The following NHSL2 variants were observed in gnomAD, a reference collection of about 807,000 sequenced individuals.
The protein encoded by NHSL2 is NHS-like protein 2.
In NHSL2, 27 loss-of-function variants were observed where a neutral mutation model predicts 53.4. That is an observed-to-expected ratio of 0.51 (90% CI 0.37 to 0.70). NHSL2 has a LOEUF of 0.70. Ranked by LOEUF, NHSL2 falls within the 30% of genes least tolerant of loss-of-function variation. The pLI, the probability that NHSL2 is intolerant of heterozygous loss-of-function variation, is 0.00. For synonymous variants in NHSL2, 408 were observed against 404.1 expected, an observed-to-expected ratio of 1.01 and a Z score of -0.12; for missense variants, 892 against 980.1, an observed-to-expected ratio of 0.91 and a Z score of 1.20.
At chrX:72,022,744 C>A (rs998172526) in intron 1 of NHSL2, among the ~76,000 whole-genome samples, 7 of 111,552 alleles carry the variant, frequency 6.3e-5, no homozygotes, top group Non-Finnish European at 1.1e-4. Context: ...TCCTAGAGAC[C>A]GTATCTGGTT....
intron 1 of NHSL2, among the ~76,000 whole-genome samples, chrX:72,066,226 G>A (rs1247874475): frequency 9.0e-6 from 1 of 111,495 alleles, no homozygotes; most frequent in Non-Finnish European, 1.9e-5. Context: ...CAGTTCTAAG[G>A]AGCAATTTAC....
At chrX:72,129,800 T>C in intron 1 of NHSL2, 1 of 1,154,848 alleles carries the variant, frequency 8.7e-7, no homozygotes, top group Non-Finnish European at 1.2e-6. Context: ...AAAAGAAGGG[T>C]GTGTTCTGGG....
chrX:72,083,609 C>G (rs989541944), intron 1 of NHSL2, among the ~76,000 whole-genome samples: 9 of 112,071 alleles, frequency 8.0e-5, no homozygotes, highest in Non-Finnish European at 1.3e-4. Context: ...CAGCCACTTT[C>G]TATTTATGGC....
intron 1 of NHSL2, among the ~76,000 whole-genome samples, chrX:72,064,303 T>G (rs1336144430): frequency 9.0e-6 from 1 of 111,661 alleles, no homozygotes; most frequent in Non-Finnish European, 1.9e-5. Flanking sequence ...AACTTGCACC[T>G]GGAAATTCCC....
chrX:72,020,712 GT>G (rs978716858), intron 1 of NHSL2, among the ~76,000 whole-genome samples: 1 of 112,681 alleles, frequency 8.9e-6, no homozygotes, highest in African/African-American at 3.2e-5. Flanking sequence ...GGCCCCTGCC[GT>G]TTTAAAGCTC....
At chrX:72,075,901 A>AGTAT (rs1556349522) in intron 1 of NHSL2, among the ~76,000 whole-genome samples, 1 of 93,395 alleles carries the variant, frequency 1.1e-5, no homozygotes, top group African/African-American at 3.9e-5. Context: ...GGGGGAGCAC[A>AGTAT]GTGTGTGTGT....
chrX:71,982,133 G>A (rs1402243497), intron 1 of NHSL2, among the ~76,000 whole-genome samples: 1 of 112,212 alleles, frequency 8.9e-6, no homozygotes, highest in Admixed American at 9.5e-5. Context: ...TCATATGATG[G>A]AACCAGTCAT....
chrX:72,088,100 G>A (rs1032215497), intron 1 of NHSL2, among the ~76,000 whole-genome samples: 7 of 104,572 alleles, frequency 6.7e-5, no homozygotes, highest in South Asian at 4.3e-4. Context: ...GCATGGTGGC[G>A]CATGCTTGTA....
In NHSL2 at chrX:72,047,765, G is replaced by C. The variant is rs59089489; in HGVS notation, c.281-84314G>C. On this transcript the variant is annotated intron_variant, in intron 1 of 7. Transcript: ENST00000633930. ...CATTGTGCCAAGGCCAGCTCCTAGG[G>C]CTAGCAGCCTTTGAGACTGCCCAGT... Among the ~76,000 whole-genome samples the C allele has an allele frequency of 7.5e-3, 842 of 111,561 alleles. 10 individuals are homozygous for C. The highest frequency in any genetic ancestry group is 0.026 in the African/African-American group (796 of 30,612).
intron 1 of NHSL2, among the ~76,000 whole-genome samples, chrX:72,015,477 A>C (rs901427896): frequency 8.9e-6 from 1 of 112,436 alleles, no homozygotes; most frequent in Non-Finnish European, 1.9e-5. Context: ...CCATTCAATA[A>C]ACATTTGTGT....
At position 72,085,040 on chromosome X, in the gene NHSL2, C is replaced by G. The variant is rs1216119607; in HGVS notation, c.281-47039C>G. Among the ~76,000 whole-genome samples the G allele has an allele frequency of 6.2e-5, 7 of 112,130 alleles. No homozygotes were observed. The East Asian group carries it at 8.4e-4, about 13-fold the overall frequency. ...TACCAAAGACCAGGTTTCCACAGCA[C>G]TTTGTTCGTGCTTTTCTTGGAGGCC... is the stretch of plus-strand genomic sequence containing the variant. On this transcript the variant is annotated intron_variant, in intron 1 of 7. Coordinates refer to ENST00000633930, the MANE Select transcript of NHSL2 (RefSeq NM_001013627.3).
In NHSL2 at chrX:72,096,663, G is replaced by T. The variant is rs752969330; in HGVS notation, c.281-35416G>T. Among the ~76,000 whole-genome samples, 4 of 112,559 alleles carry T rather than the reference G, an allele frequency of 3.6e-5. No individual in the cohort carries two copies. In the East Asian group the frequency reaches 1.1e-3, roughly 31 times the overall value. The stretch of plus-strand genomic sequence containing the variant: ...CATATACATGGGGTATACAGATAAT[G>T]TATAGTGATCAGATCAGGGTAATTA... On this transcript the variant is annotated intron_variant, in intron 1 of 7. Transcript: ENST00000633930.
intron 1 of NHSL2, among the ~76,000 whole-genome samples, chrX:71,927,583 G>C (rs148867491): frequency 6.0e-4 from 65 of 108,581 alleles, no homozygotes; most frequent in Non-Finnish European, 1.0e-3. Flanking sequence ...TTGAGACGGA[G>C]TCTTGCTCTG....
At chrX:71,963,551 A>G (rs1023181293) in intron 1 of NHSL2, among the ~76,000 whole-genome samples, 2 of 111,072 alleles carry the variant, frequency 1.8e-5, no homozygotes, top group African/African-American at 6.5e-5. Context: ...TCTAGGAGAC[A>G]CTCTTTAAAT....
chrX:71,963,969 ATATACATATATATATATATATATG>A (rs1208309189), intron 1 of NHSL2, among the ~76,000 whole-genome samples: 109 of 6,193 alleles, frequency 0.018, 11 homozygotes, highest in South Asian at 0.25. Flanking sequence ...ACACATATAT[ATATACATATATATATATATATATG>A]TATATACATA....
chrX:71,976,273 T>TAAA lies in NHSL2; in HGVS notation c.280+64906_280+64907insAAA, dbSNP rs2041947767. Among the ~76,000 whole-genome samples the TAAA allele has an allele frequency of 1.5e-4, 17 of 112,312 alleles. No homozygotes were observed. The Admixed American group carries it at 1.6e-3, about 11-fold the overall frequency. ...GCTGCCATTTATAAGCTAGGTAATC[T>TAAA]TGGGCAAGTTAGTTCACCTTTCTGA... is the stretch of plus-strand genomic sequence containing the variant. On this transcript the variant is annotated intron_variant, in intron 1 of 7. Transcript: ENST00000633930.
chrX:71,949,035 A>C lies in NHSL2; in HGVS notation c.280+37668A>C, dbSNP rs189857002. 4.6e-3 allele frequency among the ~76,000 whole-genome samples: 504 copies of C among 109,220 alleles called. 2 individuals are homozygous for C. The highest frequency in any genetic ancestry group is 0.016 in the African/African-American group (491 of 29,995). The allele number at this position is 109,220 out of a possible 115,157, so 94.8% of individuals were successfully genotyped here. A position where few individuals can be genotyped will look rare whatever the true frequency, so the allele number is the denominator to read the frequency against. On this transcript the variant is annotated intron_variant, in intron 1 of 7. Transcript: ENST00000633930. ...GGCCTCTCAAAGTGCTGGGATTACA[A>C]GCATGAGCCACCGTGCCCGGCCGAT...
intron 1 of NHSL2, among the ~76,000 whole-genome samples, chrX:72,029,768 T>C (rs780886446): frequency 8.9e-6 from 1 of 112,595 alleles, no homozygotes; most frequent in South Asian, 3.6e-4. Context: ...GGAGAAAATG[T>C]CAGGGGCTTA....
At chrX:72,041,375 A>G (rs1047471325) in intron 1 of NHSL2, among the ~76,000 whole-genome samples, 2 of 112,243 alleles carry the variant, frequency 1.8e-5, no homozygotes, top group African/African-American at 6.5e-5. Flanking sequence ...GTCTAAGGGA[A>G]CAGCTGCTGC....
Sources: allele counts gnomAD v4.1 joint callset (sites outside exome capture counted in the v4.1 genomes callset), GRCh38; gene constraint gnomAD v4.1.1; transcripts MANE v1.5; gene names NCBI Gene and HGNC (gene_info 2026-07-23, HGNC 2026-07-21).